ZNF599: variants seen among roughly 807,000 people sequenced by gnomAD.
The protein encoded by ZNF599 is zinc finger protein 599.
Under a neutral mutation model 11.7 loss-of-function variants are expected in ZNF599, and 10 were observed. The ratio of observed to expected loss-of-function variants is 0.86; its 90% CI spans 0.53 to 1.45. The LOEUF is 1.45. Among genes scored for constraint, ZNF599 ranks in the 40% most tolerant of loss-of-function variants. The probability of loss-of-function intolerance (pLI) is 0.00; values close to 1 mark genes in which losing one functional copy is unlikely to be tolerated. For synonymous variants in ZNF599, 232 were observed against 253.2 expected (o/e 0.92, Z 0.79); for missense variants, 688 against 713.6 (o/e 0.96, Z 0.41).
At chr19:34,773,244 G>T, upstream of ZNF599, 1 of 211,882 alleles carries the variant, frequency 4.7e-6, no homozygotes, top group Non-Finnish European at 9.3e-6. Flanking sequence ...CTACGGGAAC[G>T]CCCCTCTGCG....
At chr19:34,800,627 G>C in the ZNF599 span, among the ~76,000 whole-genome samples, 1 of 115,890 alleles carries the variant, frequency 8.6e-6, no homozygotes, top group Non-Finnish European at 1.6e-5. Context: ...ACGGAGTGTC[G>C]CTCTGTCACC....
chr19:34,806,022 AAG>A, the ZNF599 span, among the ~76,000 whole-genome samples: 2 of 152,180 alleles, frequency 1.3e-5, no homozygotes, highest in African/African-American at 4.8e-5. Context: ...CAAGGGCTAG[AAG>A]AGTCACACAC....
intron 3 of ZNF599, among the ~76,000 whole-genome samples, chr19:34,762,438 T>A (rs936341895): frequency 1.3e-5 from 2 of 152,218 alleles, no homozygotes; most frequent in African/African-American, 2.4e-5. Flanking sequence ...CATTATCTAG[T>A]AAAATTCTCC....
the ZNF599 span, among the ~76,000 whole-genome samples, chr19:34,778,340 C>A: frequency 1.3e-5 from 2 of 150,564 alleles, no homozygotes; most frequent in Non-Finnish European, 3.0e-5. Flanking sequence ...TATAAGAAAT[C>A]AGAAAAAGAA....
intron 2 of ZNF599, 138 bp downstream of exon 2, chr19:34,769,291 G>A (rs2069166382): frequency 9.4e-7 from 1 of 1,068,834 alleles, no homozygotes. Flanking sequence ...CCCAGCAAGA[G>A]GAGGTCAGAC....
chr19:34,778,889 C>T, the ZNF599 span, among the ~76,000 whole-genome samples: 1 of 152,172 alleles, frequency 6.6e-6, no homozygotes, highest in African/African-American at 2.4e-5. Flanking sequence ...GAATGGATAT[C>T]TCACAAAAGT....
chr19:34,800,222 G>A, the ZNF599 span, among the ~76,000 whole-genome samples: 9 of 151,620 alleles, frequency 5.9e-5, no homozygotes, highest in Non-Finnish European at 1.3e-4. Flanking sequence ...ATATCTTCTT[G>A]GAGAATTGAC....
Position 34,760,547 on chromosome 19 carries a change from T to G in ZNF599, c.254A>C (p.Lys85Thr), listed in dbSNP as rs961940533. The G allele has an allele frequency of 6.3e-7, 1 of 1,596,318 alleles. No homozygotes were observed. Among genetic ancestry groups the G allele is most frequent in the Non-Finnish European group, 8.5e-7 (1 of 1,173,630 alleles). ...AGCAGTAGGCTCTGTAATCTTGGGT[T>G]TTGCTTTTTCACCTGAAGGAAATCC... ...SQSTCAGEKA[K>T]PKITEPTASQ... Residue 85 changes from lysine to threonine, a missense_variant, in exon 4 of 4, where the codon AAA becomes ACA. Lys to Thr is a moderately conservative substitution (Grantham distance 78). Transcript: ENST00000329285.
At chr19:34,787,794 A>G in the ZNF599 span, among the ~76,000 whole-genome samples, 1 of 152,180 alleles carries the variant, frequency 6.6e-6, no homozygotes, top group African/African-American at 2.4e-5. Flanking sequence ...CAAATTAATT[A>G]AGTCTTAGGA....
Position 34,773,011 on chromosome 19 carries a change from C to G in ZNF599, c.-170G>C, listed in dbSNP as rs980276531. ...CTCTGCGCGCCGTGAGGACACAGGGCTGTCGCCAAGGCCCCAGGAAGGGTT... is the reference window on the plus strand; with the variant it reads ...CTCTGCGCGCCGTGAGGACACAGGGGTGTCGCCAAGGCCCCAGGAAGGGTT... On this transcript the variant is annotated 5_prime_UTR_variant, in exon 1 of 4. Transcript: ENST00000329285. The G allele has an allele frequency of 3.4e-5, 26 of 775,956 alleles. No individual in the cohort carries two copies. The highest frequency in any genetic ancestry group is 4.6e-5 in the Non-Finnish European group (24 of 521,574). 48.1% of individuals were successfully genotyped at this position (775,956 alleles called of 1,614,324 possible). A position where few individuals can be genotyped will look rare whatever the true frequency, so the allele number is the denominator to read the frequency against.
intron 3 of ZNF599, chr19:34,765,705 A>C (rs756917782): frequency 7.1e-6 from 5 of 702,652 alleles, no homozygotes; most frequent in Non-Finnish European, 1.0e-5. Context: ...TCAAGTGTGT[A>C]GGCTTTATTC....
chr19:34,773,388 A>G (rs1261826253), upstream of ZNF599, among the ~76,000 whole-genome samples: 1 of 151,880 alleles, frequency 6.6e-6, no homozygotes, highest in African/African-American at 2.4e-5. Flanking sequence ...AAGGCTCCCA[A>G]GAAAGGGATT....
chr19:34,760,064 A>G lies in ZNF599; in HGVS notation c.737T>C (p.Met246Thr), dbSNP rs777538157. The stretch of plus-strand genomic sequence containing the variant: ...TGGTTTTTCCCCAGTATGAAGCCTC[A>G]TATGTCGAATGACATCAGCCATATA... Reference protein sequence around the residue: ...CRYMADVIRHMRLHTGEKPYK... With the variant: ...CRYMADVIRHTRLHTGEKPYK... The change falls in exon 4 of 4, where the codon ATG becomes ACG. Residue 246 changes from methionine to threonine, a missense_variant. Coordinates refer to ENST00000329285, the MANE Select transcript of ZNF599 (RefSeq NM_001007248.3). The G allele has an allele frequency of 8.7e-6, 14 of 1,613,966 alleles. No individual in the cohort carries two copies. In the South Asian group the frequency reaches 9.9e-5, roughly 11 times the overall value.
intron 1 of ZNF599, 127 bp from the exon 2 acceptor site, chr19:34,769,682 C>G (rs1474249679): frequency 8.5e-7 from 1 of 1,169,722 alleles, no homozygotes; most frequent in Non-Finnish European, 1.2e-6. Context: ...AACCACTGGG[C>G]TCTGTGGAGG....
chr19:34,792,293 C>A, the ZNF599 span, among the ~76,000 whole-genome samples: 1 of 152,166 alleles, frequency 6.6e-6, no homozygotes. Context: ...AACAAAAGAA[C>A]CACCTGGGGA....
chr19:34,762,223 G>A (rs11879622), intron 3 of ZNF599, among the ~76,000 whole-genome samples: 101,316 of 152,048 alleles, frequency 0.67, 33,944 homozygotes, highest in African/African-American at 0.7. Flanking sequence ...ACATTGCCCA[G>A]TCAACATAAG....
At chr19:34,770,422 G>A (rs1460977675) in intron 1 of ZNF599, among the ~76,000 whole-genome samples, 2 of 152,206 alleles carry the variant, frequency 1.3e-5, no homozygotes, top group African/African-American at 2.4e-5. Context: ...AGCCACTCCT[G>A]AAAATATTGC....
chr19:34,760,542 T>C lies in ZNF599; in HGVS notation c.259A>G (p.Lys87Glu), dbSNP rs749719263. 1.9e-6 allele frequency: 3 copies of C among 1,598,610 alleles called. No individual in the cohort carries two copies. Among genetic ancestry groups the C allele is most frequent in the Non-Finnish European group, 2.6e-6 (3 of 1,174,524 alleles). The change falls in exon 4 of 4, where the codon AAG becomes GAG. Residue 87 changes from lysine to glutamate, a missense_variant. Physicochemically the swap from Lys to Glu is moderately conservative, Grantham distance 56. Transcript: ENST00000329285. ...TGAGAAGCAGTAGGCTCTGTAATCT[T>C]GGGTTTTGCTTTTTCACCTGAAGGA... ...STCAGEKAKP[K>E]ITEPTASQLA...
the ZNF599 span, among the ~76,000 whole-genome samples, chr19:34,786,303 A>G: frequency 2.0e-4 from 31 of 152,158 alleles, 1 homozygote; most frequent in South Asian, 6.4e-3. Context: ...CCTCCACACC[A>G]TTCCTTGGGT....
Sources: allele counts gnomAD v4.1 joint callset (sites outside exome capture counted in the v4.1 genomes callset), GRCh38; gene constraint gnomAD v4.1.1; transcripts MANE v1.5; gene names NCBI Gene and HGNC (gene_info 2026-07-23, HGNC 2026-07-21).